CCDC191: variants seen among roughly 807,000 people sequenced by gnomAD.
CCDC191 encodes coiled-coil domain containing 191, also known as coiled-coil domain-containing protein 191.
CCDC191 carries 99 observed loss-of-function variants against 114.0 expected under a neutral mutation model. The ratio of observed to expected loss-of-function variants is 0.87; its 90% CI spans 0.74 to 1.03. The LOEUF (loss-of-function observed/expected upper bound fraction) is 1.03, where lower values mean the gene tolerates loss of function less well. Ranked by LOEUF, CCDC191 falls within the 50% of genes least tolerant of loss-of-function variation. The probability of loss-of-function intolerance (pLI) is 0.00; values close to 1 mark genes in which losing one functional copy is unlikely to be tolerated. For missense variants in CCDC191, 973 were observed against 1,087.0 expected (o/e 0.90, Z 1.47); for synonymous variants, 351 against 376.0 (o/e 0.93, Z 0.77).
At position 114,036,749 on chromosome 3, in the gene CCDC191, G is replaced by T; in HGVS notation, c.453C>A (p.Thr151=). ...GATGGTCTATAAATTTTTGAACGGT[G>T]GTACTTTCCTCTTCTTCCTCCAAAT... ...CGYLEEEEES[T]TVQKFIDHLL... Residue 151 remains threonine, a synonymous_variant, in exon 5 of 17, where the codon ACC becomes ACA. Coordinates refer to ENST00000295878, the MANE Select transcript of CCDC191 (RefSeq NM_020817.2). The T allele has an allele frequency of 6.3e-7, 1 of 1,577,110 alleles. No individual in the cohort carries two copies. Among genetic ancestry groups the T allele is most frequent in the South Asian group, 1.2e-5 (1 of 84,336 alleles).
chr3:113,993,025 C>T (rs909891360), intron 13 of CCDC191, among the ~76,000 whole-genome samples: 1 of 152,274 alleles, frequency 6.6e-6, no homozygotes, highest in Non-Finnish European at 1.5e-5. Flanking sequence ...AAATGTGATA[C>T]ACCATATTAA....
chr3:113,983,577 C>T (rs941116010), intron 13 of CCDC191, among the ~76,000 whole-genome samples: 1 of 152,190 alleles, frequency 6.6e-6, no homozygotes, highest in African/African-American at 2.4e-5. Flanking sequence ...AACTATACCA[C>T]TCTCTCCCTA....
chr3:113,994,018 C>T, intron 13 of CCDC191, among the ~76,000 whole-genome samples: 1 of 152,178 alleles, frequency 6.6e-6, no homozygotes, highest in East Asian at 1.9e-4. Flanking sequence ...GGATACAACA[C>T]CAACAGCACA....
chr3:114,037,518 T>C (rs1018147441), intron 4 of CCDC191, among the ~76,000 whole-genome samples: 3 of 152,222 alleles, frequency 2.0e-5, no homozygotes, highest in African/African-American at 7.2e-5. Context: ...TATTCCACCA[T>C]ATGAATACAC....
rs1334714767 is a variant in CCDC191 at position 114,031,666 on chromosome 3, A to G, written c.932T>C (p.Leu311Ser). Reference sequence around the variant, plus strand: ...GAAAGTTTGGATTAATACTTCTTTCAATTTCCTTTTTCTTTCCTTCACCAT... The same window carrying G: ...GAAAGTTTGGATTAATACTTCTTTCGATTTCCTTTTTCTTTCCTTCACCAT... The part of the protein sequence containing the change: ...EKMVKERKRK[L>S]KEVLIQTFKE... The change falls in exon 7 of 17, where the codon TTG becomes TCG. Residue 311 changes from leucine to serine, a missense_variant. Leu to Ser is a moderately radical substitution (Grantham distance 145). Transcript: ENST00000295878. 3.7e-6 allele frequency: 6 copies of G among 1,609,972 alleles called. No homozygotes were observed. Among genetic ancestry groups the G allele is most frequent in the African/African-American group, 2.7e-5 (2 of 74,848 alleles).
intron 13 of CCDC191, among the ~76,000 whole-genome samples, chr3:113,997,450 G>A (rs146216045): frequency 9.9e-4 from 151 of 152,236 alleles, no homozygotes; most frequent in African/African-American, 3.3e-3. Context: ...GTAGCAATTA[G>A]ACCCTCAGTA....
At chr3:114,005,082 CTTAT>C (rs2075926963) in intron 10 of CCDC191, among the ~76,000 whole-genome samples, 1 of 152,174 alleles carries the variant, frequency 6.6e-6, no homozygotes, top group South Asian at 2.1e-4. Flanking sequence ...AACTTGGGCT[CTTAT>C]TTGAGGCTCA....
intron 14 of CCDC191, among the ~76,000 whole-genome samples, chr3:113,979,785 C>A (rs1332651479): frequency 6.6e-6 from 1 of 152,192 alleles, no homozygotes; most frequent in Non-Finnish European, 1.5e-5. Flanking sequence ...CCTGAGATTT[C>A]TGCCTGTCCT....
At chr3:113,997,604 G>A (rs2075757732) in intron 13 of CCDC191, among the ~76,000 whole-genome samples, 1 of 152,186 alleles carries the variant, frequency 6.6e-6, no homozygotes, top group African/African-American at 2.4e-5. Context: ...ATGGGGGCAT[G>A]TCAAAGGGAC....
At chr3:114,004,493 C>G (rs2075910385) in intron 11 of CCDC191, 144 bp downstream of exon 11, 1 of 1,434,788 alleles carries the variant, frequency 7.0e-7, no homozygotes, top group Non-Finnish European at 9.1e-7. Flanking sequence ...CCACTCCTCA[C>G]ATGTCTACCA....
chr3:114,012,940 G>A (rs2076095553), intron 8 of CCDC191, among the ~76,000 whole-genome samples: 1 of 152,194 alleles, frequency 6.6e-6, no homozygotes, highest in African/African-American at 2.4e-5. Flanking sequence ...ACTCTATAAT[G>A]GTTGTGCGGG....
At chr3:114,039,331 C>T (rs980810673) in intron 4 of CCDC191, 1 of 151,810 alleles carries the variant, frequency 6.6e-6, no homozygotes, top group African/African-American at 2.4e-5. Context: ...CAAAGCAAGA[C>T]CCTGTTTCTT....
intron 13 of CCDC191, among the ~76,000 whole-genome samples, chr3:113,993,179 T>A (rs2075624771): frequency 6.6e-6 from 1 of 152,128 alleles, no homozygotes; most frequent in Admixed American, 6.5e-5. Context: ...ACGCCTGTAA[T>A]CCAGCATTTT....
rs2076464722 is a variant in CCDC191 at position 114,035,118 on chromosome 3, C to A, written c.625G>T (p.Glu209Ter). 1 of 1,613,974 alleles carries A rather than the reference C, an allele frequency of 6.2e-7. No homozygotes were observed. The change falls in exon 6 of 17, where the codon GAA becomes TAA. Residue 209 changes from glutamate (E) to a stop codon, truncating the protein, a stop_gained. Coordinates refer to ENST00000295878, the MANE Select transcript of CCDC191 (RefSeq NM_020817.2). LOFTEE classifies it high-confidence loss of function. ...TTTTCTATTCTCTGGTACTCCAGTT[C>A]TTTCTCACGTCTTAAGCGATTTTCT... is the stretch of plus-strand genomic sequence containing the variant. Reference protein sequence around the residue: ...VKENRLRREKELEYQRIEKTL... With the variant: ...VKENRLRREK
At chr3:114,021,404 C>G (rs1007001240) in intron 7 of CCDC191, among the ~76,000 whole-genome samples, 10 of 151,810 alleles carry the variant, frequency 6.6e-5, no homozygotes, top group African/African-American at 2.4e-4. Context: ...AATTGACTTG[C>G]TATTGGTTTT....
chr3:114,018,733 G>A lies in CCDC191; in HGVS notation c.1108C>T (p.Gln370Ter). 6.2e-7 allele frequency: 1 copy of A among 1,613,146 alleles called. No homozygotes were observed. Among genetic ancestry groups the A allele is most frequent in the Non-Finnish European group, 8.5e-7 (1 of 1,179,544 alleles). The change falls in exon 8 of 17, where the codon CAG becomes TAG. Residue 370 changes from glutamine (Q) to a stop codon, truncating the protein, a stop_gained. Transcript: ENST00000295878. LOFTEE classifies it high-confidence loss of function. ...LRAWRDYTRF[Q>*]KLERETQALE... ...GCTTGAGTCTCCCGCTCCAACTTCTGGAATCTTGTGTAGTCTCTCCAGGCC... is the reference window on the plus strand; with the variant it reads ...GCTTGAGTCTCCCGCTCCAACTTCTAGAATCTTGTGTAGTCTCTCCAGGCC...
In CCDC191 at chr3:113,964,527, C is replaced by T. The variant is rs6438176; in HGVS notation, c.*628G>A. The T allele has an allele frequency of 0.99, 151,036 of 152,362 alleles. 74,878 individuals carry two copies. Among genetic ancestry groups the T allele is most frequent in the Middle Eastern group, 1 (294 of 294 alleles). 9.4% of individuals were successfully genotyped at this position (152,362 alleles called of 1,614,324 possible). A position where few individuals can be genotyped will look rare whatever the true frequency, so the allele number is the denominator to read the frequency against. Reference sequence around the variant, plus strand: ...GAATTGCTGGACTGTCATGATAGAGCTATTACCTTTTGGAATGTCCTTCAT... The same window carrying T: ...GAATTGCTGGACTGTCATGATAGAGTTATTACCTTTTGGAATGTCCTTCAT... On this transcript the variant is annotated 3_prime_UTR_variant, in exon 17 of 17. Transcript: ENST00000295878.
intron 4 of CCDC191, among the ~76,000 whole-genome samples, chr3:114,041,553 G>T (rs62267078): frequency 0.11 from 16,988 of 152,130 alleles, 1,172 homozygotes; most frequent in African/African-American, 0.2. Context: ...TTCAGGCAGA[G>T]GATACATCAC....
chr3:114,049,546 C>A (rs539217091), intron 2 of CCDC191, among the ~76,000 whole-genome samples: 1 of 152,214 alleles, frequency 6.6e-6, no homozygotes, highest in African/African-American at 2.4e-5. Flanking sequence ...TATGTGTCAT[C>A]CTACCTGAGT....
Sources: gnomAD v4.1 joint callset for allele counts (sites outside exome capture counted in the v4.1 genomes callset) on GRCh38, gnomAD v4.1.1 for gene constraint, MANE v1.5 for transcripts, NCBI Gene and HGNC (gene_info 2026-07-23, HGNC 2026-07-21) for gene names.